The following MAP2K5 variants were observed in gnomAD, a reference collection of about 807,000 sequenced individuals.
MAP2K5 encodes the protein mitogen-activated protein kinase kinase 5.
In MAP2K5, 49 loss-of-function variants were observed where a neutral mutation model predicts 83.1. That is an observed-to-expected ratio of 0.59 (90% CI 0.47 to 0.75). The LOEUF is 0.75. Among genes scored for constraint, MAP2K5 ranks in the 30% least tolerant of loss-of-function variants. The pLI is 0.00. For missense variants in MAP2K5, 457 were observed against 557.5 expected (o/e 0.82, Z 1.82); for synonymous variants, 202 against 191.8 (o/e 1.05, Z -0.44).
At chr15:67,752,399 G>C (rs1485003563) in intron 19 of MAP2K5, among the ~76,000 whole-genome samples, 1 of 152,012 alleles carries the variant, frequency 6.6e-6, no homozygotes, top group Non-Finnish European at 1.5e-5. Context: ...CTGAAGACAG[G>C]CTGGGCACGG....
Position 67,770,701 on chromosome 15 carries a change from C to T in MAP2K5, c.1196+1038C>T, listed in dbSNP as rs1299431387. ...AATCGTTGTGTGCCATCCCCTTCCC[C>T]TCCCACTATGATCTGTCCGATGATT... On this transcript the variant is annotated intron_variant, in intron 20 of 21. Transcript: ENST00000178640. The surrounding 1 kb of genome is among the most constrained non-coding windows in gnomAD (Gnocchi z 5.0). Among the ~76,000 whole-genome samples, 1 of 152,190 alleles carries T rather than the reference C, an allele frequency of 6.6e-6. No individual in the cohort carries two copies. Among genetic ancestry groups the T allele is most frequent in the Non-Finnish European group, 1.5e-5 (1 of 68,030 alleles).
chr15:67,681,580 C>CT (rs1436781828), intron 13 of MAP2K5, among the ~76,000 whole-genome samples: 6 of 152,184 alleles, frequency 3.9e-5, no homozygotes, highest in African/African-American at 1.4e-4. Context: ...TACATTGTGC[C>CT]TTTATCTTAC....
At chr15:67,579,772 T>TA (rs780179499) in intron 3 of MAP2K5, among the ~76,000 whole-genome samples, 23 of 151,412 alleles carry the variant, frequency 1.5e-4, no homozygotes, top group South Asian at 1.0e-3. Flanking sequence ...TGATATCTTC[T>TA]AAAAAAAAAC....
Position 67,748,590 on chromosome 15 carries a change from A to C in MAP2K5, c.1123A>C (p.Ile375Leu). The stretch of plus-strand genomic sequence containing the variant: ...GCAGCCTCTCCAGCTTCTGCAGTGC[A>C]TTGTTGATGAGGTGAGGCATCGTCT... ...SLMPLQLLQC[I>L]VDEDSPVLPV... Residue 375 changes from isoleucine to leucine, a missense_variant, in exon 19 of 22, where the codon ATT (isoleucine) becomes CTT (leucine). Physicochemically the swap from Ile to Leu is conservative, Grantham distance 5. Transcript: ENST00000178640. The surrounding 1 kb of genome is among the most constrained non-coding windows in gnomAD (Gnocchi z 4.0). 1 of 1,613,948 alleles carries C rather than the reference A, an allele frequency of 6.2e-7. No individual in the cohort carries two copies. Among genetic ancestry groups the C allele is most frequent in the Non-Finnish European group, 8.5e-7 (1 of 1,179,938 alleles).
chr15:67,558,853 G>A lies in MAP2K5; in HGVS notation c.185-4430G>A, dbSNP rs2084680021. ...TAGAGTGTATGTTCCATGAAGGCAG[G>A]ATTTTGTTTGTTTTTTCTTTTTTCA... is the stretch of plus-strand genomic sequence containing the variant. On this transcript the variant is annotated intron_variant, in intron 2 of 21. Transcript: ENST00000178640. Among the ~76,000 whole-genome samples, 3 of 152,192 alleles carry A rather than the reference G, an allele frequency of 2.0e-5. No individual in the cohort carries two copies. The South Asian group carries it at 6.2e-4, about 32-fold the overall frequency.
At chr15:67,579,037 G>T (rs945846290) in intron 3 of MAP2K5, among the ~76,000 whole-genome samples, 3 of 152,186 alleles carry the variant, frequency 2.0e-5, no homozygotes, top group Non-Finnish European at 2.9e-5. Flanking sequence ...TTAAAGAAAA[G>T]CATTAACTAT....
At chr15:67,599,443 A>G (rs544170928) in intron 7 of MAP2K5, among the ~76,000 whole-genome samples, 8 of 152,338 alleles carry the variant, frequency 5.3e-5, no homozygotes, top group African/African-American at 1.9e-4. Context: ...TGTTACCTGC[A>G]TTGTACTCCT....
At position 67,562,255 on chromosome 15, in the gene MAP2K5, G is replaced by A. The variant is rs1259389774; in HGVS notation, c.185-1028G>A. Among the ~76,000 whole-genome samples, 1 of 152,136 alleles carries A rather than the reference G, an allele frequency of 6.6e-6. No individual in the cohort carries two copies. The highest frequency in any genetic ancestry group is 1.5e-5 in the Non-Finnish European group (1 of 68,036). Reference sequence around the variant, plus strand: ...CACTGTTGACAAATCTTTATAGAAGGATGAAGAGTTAACTATATATTTGGA... The same window carrying A: ...CACTGTTGACAAATCTTTATAGAAGAATGAAGAGTTAACTATATATTTGGA... On this transcript the variant is annotated intron_variant, in intron 2 of 21. Coordinates refer to ENST00000178640, the MANE Select transcript of MAP2K5 (RefSeq NM_145160.3). This position sits in a 1 kb window ranked among gnomAD's most constrained non-coding sequence, Gnocchi z 4.1.
chr15:67,713,205 G>A (rs2088740148), intron 16 of MAP2K5, among the ~76,000 whole-genome samples: 1 of 151,984 alleles, frequency 6.6e-6, no homozygotes, highest in African/African-American at 2.4e-5. Context: ...TTGAGGATTA[G>A]TAATAGAAAT....
At chr15:67,627,194 C>T (rs2086345671) in intron 8 of MAP2K5, among the ~76,000 whole-genome samples, 1 of 152,166 alleles carries the variant, frequency 6.6e-6, no homozygotes, top group South Asian at 2.1e-4. Context: ...AGTGATCCTC[C>T]TGCGTTGGCT....
chr15:67,653,777 A>G (rs949926912), intron 11 of MAP2K5, among the ~76,000 whole-genome samples: 3 of 151,898 alleles, frequency 2.0e-5, no homozygotes, highest in Non-Finnish European at 4.4e-5. Flanking sequence ...AAGTTAGGAT[A>G]TTGATTTGAG....
chr15:67,636,290 C>T lies in MAP2K5; in HGVS notation c.585+5363C>T, dbSNP rs1239635549. 6.6e-6 allele frequency among the ~76,000 whole-genome samples: 1 copy of T among 152,052 alleles called. No homozygotes were observed. The highest frequency in any genetic ancestry group is 2.4e-5 in the African/African-American group (1 of 41,404). ...GGCCGTGGTGTCGGGCGCTTGTAGT[C>T]CCAGCTACTCAGGAGGCTGAAGCAG... On this transcript the variant is annotated intron_variant, in intron 9 of 21. Coordinates refer to ENST00000178640, the MANE Select transcript of MAP2K5 (RefSeq NM_145160.3). The surrounding 1 kb of genome is among the most constrained non-coding windows in gnomAD (Gnocchi z 4.7).
At position 67,562,387 on chromosome 15, in the gene MAP2K5, T is replaced by G. The variant is rs564838765; in HGVS notation, c.185-896T>G. Among the ~76,000 whole-genome samples, 1 of 152,236 alleles carries G rather than the reference T, an allele frequency of 6.6e-6. No homozygotes were observed. Among genetic ancestry groups the G allele is most frequent in the Non-Finnish European group, 1.5e-5 (1 of 68,038 alleles). On this transcript the variant is annotated intron_variant, in intron 2 of 21. Coordinates refer to ENST00000178640, the MANE Select transcript of MAP2K5 (RefSeq NM_145160.3). This position sits in a 1 kb window ranked among gnomAD's most constrained non-coding sequence, Gnocchi z 4.1. The stretch of plus-strand genomic sequence containing the variant: ...AATGAGATTTAATATTCTCACATAG[T>G]CTATCTTCAGGTTTTTAAAGCAGTT...
chr15:67,670,532 C>G (rs2087504826), intron 13 of MAP2K5: 3 of 449,096 alleles, frequency 6.7e-6, no homozygotes, highest in African/African-American at 6.0e-5. Context: ...CAGAGAAAAG[C>G]TCTTCTTACA....
chr15:67,600,704 G>T lies in MAP2K5; in HGVS notation c.500G>T (p.Arg167Leu), dbSNP rs760337605. The T allele has an allele frequency of 4.3e-6, 7 of 1,609,404 alleles. No individual in the cohort carries two copies. In the South Asian group the frequency reaches 4.4e-5, roughly 10 times the overall value. ...ANGQMNEQDI[R>L]YRDTLGHGNG... ...GTGGAGATGAATGAACAAGACATAC[G>T]ATATCGGGACACTCTTGGTCATGGC... is the stretch of plus-strand genomic sequence containing the variant. The change falls in exon 8 of 22, where the codon CGA (arginine) becomes CTA (leucine). Residue 167 changes from arginine to leucine, a missense_variant. Physicochemically the swap from Arg to Leu is moderately radical, Grantham distance 102. Around this residue, in one of 3 missense-constraint regions of MAP2K5, gnomAD observed 234 missense variants for 243.6 expected, o/e 0.96. Transcript: ENST00000178640.
chr15:67,573,527 T>TC lies in MAP2K5; in HGVS notation c.253-7225dup, dbSNP rs1179278738. The stretch of plus-strand genomic sequence containing the variant: ...CAGTCATCTCTCACAGGACCCCTCC[T>TC]CCAATTAAACATGAGATTTGTGGGC... On this transcript the variant is annotated intron_variant, in intron 3 of 21. Transcript: ENST00000178640. This position sits in a 1 kb window ranked among gnomAD's most constrained non-coding sequence, Gnocchi z 4.2. Among the ~76,000 whole-genome samples the TC allele has an allele frequency of 6.6e-6, 1 of 151,954 alleles. No individual in the cohort carries two copies. Among genetic ancestry groups the TC allele is most frequent in the Non-Finnish European group, 1.5e-5 (1 of 67,990 alleles).
At position 67,777,856 on chromosome 15, in the gene MAP2K5, T is replaced by C. The variant is rs950836122; in HGVS notation, c.1242+5104T>C. Among the ~76,000 whole-genome samples, 1 of 152,210 alleles carries C rather than the reference T, an allele frequency of 6.6e-6. No homozygotes were observed. Among genetic ancestry groups the C allele is most frequent in the Non-Finnish European group, 1.5e-5 (1 of 68,046 alleles). On this transcript the variant is annotated intron_variant, in intron 21 of 21. Coordinates refer to ENST00000178640, the MANE Select transcript of MAP2K5 (RefSeq NM_145160.3). The surrounding 1 kb of genome is among the most constrained non-coding windows in gnomAD (Gnocchi z 6.0). ...GCATTTAGCATTTCCTCAGGTTTGG[T>C]TTTCAATTTAGGCACCTAAAAAGAA... is the stretch of plus-strand genomic sequence containing the variant.
At chr15:67,619,196 A>G (rs1461113025) in intron 8 of MAP2K5, among the ~76,000 whole-genome samples, 1 of 152,144 alleles carries the variant, frequency 6.6e-6, no homozygotes, top group Non-Finnish European at 1.5e-5. Flanking sequence ...CTCACATGTA[A>G]CCTGAAAAGA....
At chr15:67,598,098 G>A (rs996736276) in intron 7 of MAP2K5, among the ~76,000 whole-genome samples, 10 of 151,864 alleles carry the variant, frequency 6.6e-5, no homozygotes, top group Admixed American at 3.9e-4. Context: ...CCAGCTGCTC[G>A]GGAGGCTGAG....
Sources: gnomAD v4.1 joint callset for allele counts (sites outside exome capture counted in the v4.1 genomes callset) on GRCh38, gnomAD v4.1.1 for gene constraint, gnomAD v4.1.1 regional missense constraint, Gnocchi (gnomAD v3.1) non-coding constraint, MANE v1.5 for transcripts, NCBI Gene and HGNC (gene_info 2026-07-23, HGNC 2026-07-21) for gene names.